The following PFKFB3 variants were observed in gnomAD, a reference collection of about 807,000 sequenced individuals.
The protein encoded by PFKFB3 is 6-phosphofructo-2-kinase/fructose-2,6-biphosphatase 3, also known as 6-phosphofructo-2-kinase/fructose-2,6-bisphosphatase 3.
PFKFB3 carries 33 observed loss-of-function variants against 68.0 expected under a neutral mutation model. The ratio of observed to expected loss-of-function variants is 0.49; its 90% CI spans 0.37 to 0.65. The LOEUF (loss-of-function observed/expected upper bound fraction) is 0.65, where lower values mean the gene tolerates loss of function less well. Among genes scored for constraint, PFKFB3 ranks in the 30% least tolerant of loss-of-function variants. PFKFB3 has a pLI of 0.00. For missense variants in PFKFB3, 586 were observed against 712.2 expected, an observed-to-expected ratio of 0.82 and a Z score of 2.02; for synonymous variants, 315 against 288.2, an observed-to-expected ratio of 1.09 and a Z score of -0.94.
intron 1 of PFKFB3, among the ~76,000 whole-genome samples, chr10:6,161,559 C>T (rs750559364): frequency 1.6e-4 from 24 of 147,724 alleles, no homozygotes; most frequent in Non-Finnish European, 2.8e-4. Flanking sequence ...TATATATACA[C>T]ACATATGTAT....
chr10:6,259,582 T>TCATCCATC (rs111915905), downstream of PFKFB3, among the ~76,000 whole-genome samples: 5,484 of 134,990 alleles, frequency 0.041, 173 homozygotes, highest in East Asian at 0.11. Context: ...ATCCATCCAC[T>TCATCCATC]CATCCATCCA....
intron 1 of PFKFB3, among the ~76,000 whole-genome samples, chr10:6,145,534 C>T (rs1356449242): frequency 1.3e-5 from 2 of 152,150 alleles, no homozygotes; most frequent in Non-Finnish European, 2.9e-5. Context: ...GGCCCGGGGT[C>T]CTGAGGGCGG....
intron 14 of PFKFB3, among the ~76,000 whole-genome samples, chr10:6,248,651 A>T (rs1349428576): frequency 6.9e-6 from 1 of 145,088 alleles, no homozygotes; most frequent in Non-Finnish European, 1.5e-5. Context: ...AAAAAAAAAA[A>T]AGGCAGGGGA....
chr10:6,148,547 C>T (rs955794593), intron 1 of PFKFB3, among the ~76,000 whole-genome samples: 1 of 152,158 alleles, frequency 6.6e-6, no homozygotes, highest in Non-Finnish European at 1.5e-5. Context: ...TGTGGGTCTC[C>T]AGGGTGACGG....
chr10:6,248,455 G>A lies in PFKFB3; in HGVS notation c.1516-5723G>A, dbSNP rs796175575. Among the ~76,000 whole-genome samples the A allele has an allele frequency of 1.3e-3, 198 of 151,858 alleles. 1 individual carries two copies. The highest frequency in any genetic ancestry group is 4.3e-3 in the African/African-American group (180 of 41,430). On this transcript the variant is annotated intron_variant, in intron 14 of 14. Transcript: ENST00000640683. ...ACAAGCCTGGCCGACATAGTGAAAT[G>A]CTGTCTCTACTAAAAATACAAAAAT...
chr10:6,255,083 C>T (rs1407202379), downstream of PFKFB3, among the ~76,000 whole-genome samples: 8 of 151,308 alleles, frequency 5.3e-5, no homozygotes, highest in Admixed American at 1.3e-4. Flanking sequence ...TCCCAAAGTG[C>T]TGAGATTACA....
intron 1 of PFKFB3, among the ~76,000 whole-genome samples, chr10:6,191,481 A>T (rs1843020900): frequency 6.6e-6 from 1 of 152,350 alleles, no homozygotes; most frequent in Non-Finnish European, 1.5e-5. Flanking sequence ...ACTTTTACAC[A>T]GAGAACCCCG....
At chr10:6,252,557 G>T (rs192701758) in intron 14 of PFKFB3, among the ~76,000 whole-genome samples, 6 of 152,068 alleles carry the variant, frequency 3.9e-5, no homozygotes, top group Admixed American at 1.3e-4. Context: ...AGAAGAATGA[G>T]ATATATATAA....
chr10:6,238,018 G>A (rs181472447), downstream of PFKFB3, among the ~76,000 whole-genome samples: 21 of 151,892 alleles, frequency 1.4e-4, no homozygotes, highest in East Asian at 4.1e-3. Context: ...TCAACCTACA[G>A]TTTCTGACAT....
chr10:6,290,248 A>G, the PFKFB3 span, among the ~76,000 whole-genome samples: 1 of 151,832 alleles, frequency 6.6e-6, no homozygotes. Context: ...TATGTTGAAT[A>G]GGAGTGGTGA....
intron 6 of PFKFB3, 79 bp downstream of exon 6, chr10:6,217,270 G>A (rs1000708523): frequency 7.7e-6 from 10 of 1,291,326 alleles, no homozygotes; most frequent in East Asian, 4.6e-5. Context: ...GTGGGGGACC[G>A]GGTCCGGCTC....
At chr10:6,168,987 C>T (rs1300891433) in intron 1 of PFKFB3, among the ~76,000 whole-genome samples, 5 of 152,222 alleles carry the variant, frequency 3.3e-5, no homozygotes, top group African/African-American at 4.8e-5. Context: ...GCCAGAGTCT[C>T]GCTCTGTCAC....
the PFKFB3 span, among the ~76,000 whole-genome samples, chr10:6,302,774 A>ACG: frequency 1.4e-3 from 198 of 140,638 alleles, no homozygotes; most frequent in African/African-American, 5.0e-3. Context: ...ACACACACAC[A>ACG]CACACATATA....
chr10:6,272,081 A>T, the PFKFB3 span, among the ~76,000 whole-genome samples: 1 of 152,224 alleles, frequency 6.6e-6, no homozygotes, highest in Admixed American at 6.5e-5. Context: ...GGGAGGGCAG[A>T]TGTGAAGCAT....
downstream of PFKFB3, among the ~76,000 whole-genome samples, chr10:6,238,065 G>T (rs1349145372): frequency 6.6e-6 from 1 of 151,964 alleles, no homozygotes; most frequent in Admixed American, 6.6e-5. Context: ...CCCCCATAAA[G>T]ACACCCGAAT....
At chr10:6,241,942 C>T (rs1237691239) in intron 14 of PFKFB3, among the ~76,000 whole-genome samples, 6 of 151,248 alleles carry the variant, frequency 4.0e-5, no homozygotes, top group Non-Finnish European at 7.4e-5. Context: ...AACACCTGGG[C>T]TCAAGCAGTC....
At chr10:6,290,796 G>A in the PFKFB3 span, among the ~76,000 whole-genome samples, 3 of 152,058 alleles carry the variant, frequency 2.0e-5, no homozygotes, top group African/African-American at 4.8e-5. Flanking sequence ...AAGCCACCAC[G>A]CCTGGCCTGT....
chr10:6,245,767 G>C (rs1846244020), intron 14 of PFKFB3: 1 of 152,192 alleles, frequency 6.6e-6, no homozygotes, highest in South Asian at 2.1e-4. Context: ...GAGTGGAGAG[G>C]AACAAAGTAA....
chr10:6,236,189 C>T (rs952673520), downstream of PFKFB3, among the ~76,000 whole-genome samples: 1 of 152,240 alleles, frequency 6.6e-6, no homozygotes, highest in Non-Finnish European at 1.5e-5. Context: ...CTGCCCTTCC[C>T]CATCTCCTGG....
Sources: gnomAD v4.1 joint callset for allele counts (sites outside exome capture counted in the v4.1 genomes callset) on GRCh38, gnomAD v4.1.1 for gene constraint, MANE v1.5 for transcripts, NCBI Gene and HGNC (gene_info 2026-07-23, HGNC 2026-07-21) for gene names.